Variants in GLRA2 observed in about 807,000 individuals in gnomAD.
GLRA2 encodes the protein glycine receptor subunit alpha-2.
A neutral mutation model predicts 31.6 loss-of-function variants in GLRA2; 11 were observed. That is an observed-to-expected ratio of 0.35 (90% CI 0.22 to 0.58). The LOEUF is 0.58. GLRA2 is among the 20% of genes least tolerant of loss of function. The pLI is 0.84. For missense variants in GLRA2, 212 were observed against 351.8 expected (o/e 0.60, Z 3.18); for synonymous variants, 132 against 134.0 (o/e 0.99, Z 0.10).
chrX:14,625,360 A>G (rs2090576245), intron 7 of GLRA2, among the ~76,000 whole-genome samples: 1 of 111,138 alleles, frequency 9.0e-6, no homozygotes, highest in Admixed American at 9.6e-5. Context: ...TAAGGTTAAT[A>G]TTGTTATGTG....
chrX:14,450,337 C>T, the GLRA2 span, among the ~76,000 whole-genome samples: 1 of 111,671 alleles, frequency 9.0e-6, no homozygotes, highest in Non-Finnish European at 1.9e-5. Context: ...TCCTGGTGAC[C>T]TAACCTTCAG....
the GLRA2 span, among the ~76,000 whole-genome samples, chrX:14,519,278 C>A: frequency 9.0e-6 from 1 of 110,743 alleles, no homozygotes; most frequent in Non-Finnish European, 1.9e-5. Flanking sequence ...GAGATAAATC[C>A]CAATCCAAGA....
chrX:14,512,254 ATAG>A, the GLRA2 span, among the ~76,000 whole-genome samples: 1 of 111,566 alleles, frequency 9.0e-6, no homozygotes, highest in Non-Finnish European at 1.9e-5. Flanking sequence ...CAAAACAAGC[ATAG>A]AAGGGACATA....
rs773919360 is a variant in GLRA2, at chrX:14,611,336, T to TAG, written c.930+2133_930+2134dup. Among the ~76,000 whole-genome samples, 3 of 113,165 alleles carry TAG rather than the reference T, an allele frequency of 2.7e-5. No homozygotes were observed. The South Asian group carries it at 1.1e-3, about 40-fold the overall frequency. On this transcript the variant is annotated intron_variant, in intron 7 of 8. Transcript: ENST00000218075. The stretch of plus-strand genomic sequence containing the variant: ...CACTTTAAAAGTAAGATGTTTGTTA[T>TAG]AGAAAAGACAGAAAACACAGAAAAC...
chrX:14,570,629 A>G (rs1057328622), intron 2 of GLRA2, among the ~76,000 whole-genome samples: 1 of 111,699 alleles, frequency 9.0e-6, no homozygotes, highest in African/African-American at 3.3e-5. Flanking sequence ...AGCAGGGGAT[A>G]TAATAGTACT....
the GLRA2 span, among the ~76,000 whole-genome samples, chrX:14,522,740 G>A: frequency 8.9e-6 from 1 of 111,805 alleles, no homozygotes; most frequent in Non-Finnish European, 1.9e-5. Context: ...CAGAACCCTT[G>A]GGTGCATTGT....
At chrX:14,700,436 AG>A (rs2091522668) in intron 8 of GLRA2, among the ~76,000 whole-genome samples, 1 of 111,479 alleles carries the variant, frequency 9.0e-6, no homozygotes, top group Admixed American at 9.5e-5. Context: ...AGAGACAGGC[AG>A]GGGGAAAGGA....
intron 8 of GLRA2, among the ~76,000 whole-genome samples, chrX:14,714,496 A>G (rs1463030662): frequency 1.8e-5 from 2 of 111,875 alleles, no homozygotes; most frequent in Admixed American, 9.5e-5. Context: ...GGTAACTAGG[A>G]GTTGTATAGC....
At chrX:14,464,643 G>A in the GLRA2 span, among the ~76,000 whole-genome samples, 9 of 111,530 alleles carry the variant, frequency 8.1e-5, no homozygotes, top group Admixed American at 6.7e-4. Flanking sequence ...TGCAACCTCC[G>A]CCTCCCAGGT....
the GLRA2 span, among the ~76,000 whole-genome samples, chrX:14,470,255 A>G: frequency 5.4e-5 from 6 of 112,122 alleles, no homozygotes; most frequent in East Asian, 8.4e-4. Flanking sequence ...AAAATGAAAT[A>G]GTAATAGATG....
intron 2 of GLRA2, among the ~76,000 whole-genome samples, chrX:14,564,410 CA>C (rs2089775113): frequency 9.0e-6 from 1 of 111,002 alleles, no homozygotes; most frequent in Non-Finnish European, 1.9e-5. Flanking sequence ...ACTAGACCAG[CA>C]AAAGCTGAGG....
At position 14,731,154 on chromosome X, in the gene GLRA2, A is replaced by AAAAT. The variant is rs2091989818; in HGVS notation, c.*673_*676dup. 2 of 112,306 alleles carry AAAAT rather than the reference A, an allele frequency of 1.8e-5. No individual in the cohort carries two copies. The highest frequency in any genetic ancestry group is 3.8e-5 in the Non-Finnish European group (2 of 53,312). The allele number at this position is 112,306 out of a possible 1,213,427, so 9.3% of individuals were successfully genotyped here. ...TACTTATCCAGTAAATAACAATGAC[A>AAAAT]AAATAAACACCAATGACAGAAAAAT... On this transcript the variant is annotated 3_prime_UTR_variant, in exon 9 of 9. Coordinates refer to ENST00000218075, the MANE Select transcript of GLRA2 (RefSeq NM_002063.4).
In GLRA2 at chrX:14,730,893, C is replaced by T. The variant is rs1434044758; in HGVS notation, c.*408C>T. 0.012 allele frequency: 10 copies of T among 837 alleles called. No homozygotes were observed. The East Asian group carries it at 0.6, about 50-fold the overall frequency. The allele number at this position is 837 out of a possible 1,213,427, so 0.1% of individuals were successfully genotyped here. ...TTCTGGTACTGAAAAGTTAGCTATA[C>T]ACACACACACACACACACACACACA... On this transcript the variant is annotated 3_prime_UTR_variant, in exon 9 of 9. Transcript: ENST00000218075.
At chrX:14,523,730 C>G in the GLRA2 span, among the ~76,000 whole-genome samples, 2 of 111,453 alleles carry the variant, frequency 1.8e-5, no homozygotes, top group Non-Finnish European at 3.8e-5. Flanking sequence ...GTAGAGTAGT[C>G]GGAACACATA....
intron 2 of GLRA2, among the ~76,000 whole-genome samples, chrX:14,572,478 AATTT>A (rs2089897313): frequency 8.9e-6 from 1 of 112,219 alleles, no homozygotes; most frequent in Non-Finnish European, 1.9e-5. Flanking sequence ...TGCCTTGTCT[AATTT>A]ATTTCTCATT....
intron 7 of GLRA2, among the ~76,000 whole-genome samples, chrX:14,626,674 A>G (rs1423002826): frequency 8.9e-6 from 1 of 111,982 alleles, no homozygotes; most frequent in Non-Finnish European, 1.9e-5. Context: ...GGTATAAGAC[A>G]TTAACTGTCA....
At chrX:14,688,890 G>T (rs759169965) in intron 7 of GLRA2, among the ~76,000 whole-genome samples, 1 of 111,463 alleles carries the variant, frequency 9.0e-6, no homozygotes, top group Non-Finnish European at 1.9e-5. Context: ...CTTCTGCGTC[G>T]CTCAGGCTGG....
chrX:14,551,866 T>G (rs1489054170), intron 2 of GLRA2, among the ~76,000 whole-genome samples: 1 of 111,688 alleles, frequency 9.0e-6, no homozygotes, highest in Non-Finnish European at 1.9e-5. Flanking sequence ...GAGCCCAAGC[T>G]TGCTCAGGGA....
chrX:14,485,701 C>T, the GLRA2 span, among the ~76,000 whole-genome samples: 1 of 111,580 alleles, frequency 9.0e-6, no homozygotes, highest in African/African-American at 3.3e-5. Context: ...ACCCCTACTG[C>T]CACCACTCTG....
Sources: allele counts gnomAD v4.1 joint callset (sites outside exome capture counted in the v4.1 genomes callset), GRCh38; gene constraint gnomAD v4.1.1; transcripts MANE v1.5; gene names NCBI Gene and HGNC (gene_info 2026-07-23, HGNC 2026-07-21).